The following NECTIN3 variants were observed in gnomAD, a reference collection of about 807,000 sequenced individuals.
The protein encoded by NECTIN3 is nectin cell adhesion molecule 3, also known as nectin-3.
NECTIN3 carries 8 observed loss-of-function variants against 49.4 expected under a neutral mutation model. That is an observed-to-expected ratio of 0.16 (90% CI 0.10 to 0.29). NECTIN3 has a LOEUF of 0.29. Ranked by LOEUF, NECTIN3 falls within the 10% of genes least tolerant of loss-of-function variation. The probability of loss-of-function intolerance (pLI) is 1.00; values close to 1 mark genes in which losing one functional copy is unlikely to be tolerated. For missense variants in NECTIN3, 581 were observed against 654.6 expected (o/e 0.89, Z 1.23); for synonymous variants, 277 against 241.1 (o/e 1.15, Z -1.38).
intron 5 of NECTIN3, among the ~76,000 whole-genome samples, chr3:111,127,716 A>C (rs2107481860): frequency 6.6e-6 from 1 of 152,008 alleles, no homozygotes; most frequent in African/African-American, 2.4e-5. Flanking sequence ...GGTATGCACC[A>C]CCATGCCCAG....
rs940769887 is a variant in NECTIN3 at position 111,135,701 on chromosome 3, A to G, written c.*1486A>G. Reference sequence around the variant, plus strand: ...AGTAGGTACTTTTTAAACCCTCCCAACCAGCCCTTTCTCAATATTCATCAA... The same window carrying G: ...AGTAGGTACTTTTTAAACCCTCCCAGCCAGCCCTTTCTCAATATTCATCAA... On this transcript the variant is annotated 3_prime_UTR_variant, in exon 6 of 6. Coordinates refer to ENST00000485303, the MANE Select transcript of NECTIN3 (RefSeq NM_015480.3). 1.0e-6 allele frequency: 1 copy of G among 957,476 alleles called. No individual in the cohort carries two copies. Among genetic ancestry groups the G allele is most frequent in the Non-Finnish European group, 1.2e-6 (1 of 804,722 alleles). The allele number at this position is 957,476 out of a possible 1,614,324, so 59.3% of individuals were successfully genotyped here.
chr3:111,133,703 C>G lies in NECTIN3; in HGVS notation c.1138C>G (p.Leu380Val). ...WHPSTADIED[L>V]ATEPKKLPFP... The stretch of plus-strand genomic sequence containing the variant: ...TCCCTCAACTGCTGACATCGAGGAT[C>G]TAGCAACAGAACCTAAAAAATTGCC... The change falls in exon 6 of 6, where the codon CTA becomes GTA. Residue 380 changes from leucine to valine, a missense_variant. Coordinates refer to ENST00000485303, the MANE Select transcript of NECTIN3 (RefSeq NM_015480.3). The G allele has an allele frequency of 6.2e-7, 1 of 1,613,920 alleles. No homozygotes were observed. Among genetic ancestry groups the G allele is most frequent in the Non-Finnish European group, 8.5e-7 (1 of 1,179,854 alleles).
Position 111,112,123 on chromosome 3 carries a change from C to T in NECTIN3, c.254C>T (p.Thr85Ile), listed in dbSNP as rs1246994842. 6.2e-7 allele frequency: 1 copy of T among 1,613,412 alleles called. No individual in the cohort carries two copies. Among genetic ancestry groups the T allele is most frequent in the Admixed American group, 1.7e-5 (1 of 59,902 alleles). The change falls in exon 2 of 6, where the codon ACC (threonine) becomes ATC (isoleucine). Residue 85 changes from threonine (T) to isoleucine (I), a missense_variant. Thr to Ile is a moderately conservative substitution (Grantham distance 89, BLOSUM62 -1). Transcript: ENST00000485303. ...AAGTGTTTAATTGAAGTAAATGAAA[C>T]CATAACACAGATTTCATGGGAGAAG... ...SLKCLIEVNE[T>I]ITQISWEKIH...
At chr3:111,162,653 A>G (rs1370462277) in intron 7 of NECTIN3, among the ~76,000 whole-genome samples, 2 of 152,212 alleles carry the variant, frequency 1.3e-5, no homozygotes, top group African/African-American at 4.8e-5. Flanking sequence ...CATTATATAT[A>G]TAATTTTGTA....
rs917374351 is a variant in NECTIN3 at position 111,137,219 on chromosome 3, A to G, written c.*3004A>G. On this transcript the variant is annotated 3_prime_UTR_variant, in exon 6 of 6. Transcript: ENST00000485303. ...AAGTAAGAAGTTTATGTATGAAAGT[A>G]ATCAATGTAAAATATAAGAAAGGAA... 2 of 935,022 alleles carry G rather than the reference A, an allele frequency of 2.1e-6. No individual in the cohort carries two copies. Among genetic ancestry groups the G allele is most frequent in the Non-Finnish European group, 1.3e-6 (1 of 784,414 alleles). 57.9% of individuals were successfully genotyped at this position (935,022 alleles called of 1,614,324 possible).
At chr3:111,144,793 G>A (rs2034833929) in intron 5 of NECTIN3, 1 of 1,288,568 alleles carries the variant, frequency 7.8e-7, no homozygotes, top group Non-Finnish European at 1.0e-6. Flanking sequence ...CCTGGCTCTT[G>A]GATAACATAC....
intron 1 of NECTIN3, among the ~76,000 whole-genome samples, chr3:111,075,605 A>C (rs990243960): frequency 6.6e-6 from 1 of 152,134 alleles, no homozygotes; most frequent in Non-Finnish European, 1.5e-5. Context: ...TTCTACACCA[A>C]TGTGCTGAAT....
intron 1 of NECTIN3, among the ~76,000 whole-genome samples, chr3:111,075,668 A>T (rs1201367848): frequency 6.6e-6 from 1 of 152,218 alleles, no homozygotes; most frequent in East Asian, 1.9e-4. Context: ...CTATATATTG[A>T]GTCTTAGCCC....
chr3:111,081,446 G>A (rs1408710113), intron 1 of NECTIN3, among the ~76,000 whole-genome samples: 2 of 152,038 alleles, frequency 1.3e-5, no homozygotes, highest in Non-Finnish European at 2.9e-5. Flanking sequence ...CTCTGTGTAT[G>A]TGTGTGTGTG....
chr3:111,192,037 G>C (rs2035821546), upstream of NECTIN3, among the ~76,000 whole-genome samples: 1 of 152,090 alleles, frequency 6.6e-6, no homozygotes. Context: ...TCACCATGTT[G>C]ATCAGGCTGG....
Position 111,136,557 on chromosome 3 carries a change from A to G in NECTIN3, c.*2342A>G. The G allele has an allele frequency of 1.1e-6, 1 of 952,068 alleles. No homozygotes were observed. The highest frequency in any genetic ancestry group is 1.3e-6 in the Non-Finnish European group (1 of 799,822). 59.0% of individuals were successfully genotyped at this position (952,068 alleles called of 1,614,324 possible). ...AGAACTTTATGTATATTTACTGTAC[A>G]TAGAGACTTGTTTGAAAACATGAAT... On this transcript the variant is annotated 3_prime_UTR_variant, in exon 6 of 6. Transcript: ENST00000485303.
At chr3:111,094,004 C>T (rs1248920598) in intron 1 of NECTIN3, among the ~76,000 whole-genome samples, 1 of 151,914 alleles carries the variant, frequency 6.6e-6, no homozygotes, top group Non-Finnish European at 1.5e-5. Context: ...GTGACAGTTA[C>T]TTTATTTCAT....
intron 1 of NECTIN3, among the ~76,000 whole-genome samples, chr3:111,076,032 A>G (rs148356406): frequency 1.3e-5 from 2 of 152,256 alleles, no homozygotes; most frequent in African/African-American, 4.8e-5. Flanking sequence ...AGAAAGATCA[A>G]ATCTTCCTTT....
chr3:111,155,350 T>C (rs1308175787), intron 7 of NECTIN3, among the ~76,000 whole-genome samples: 1 of 152,198 alleles, frequency 6.6e-6, no homozygotes, highest in Non-Finnish European at 1.5e-5. Context: ...TTTTTCTTAG[T>C]TGTCATTTTA....
intron 3 of NECTIN3, among the ~76,000 whole-genome samples, chr3:111,119,382 A>C (rs943682208): frequency 6.6e-6 from 1 of 152,140 alleles, no homozygotes; most frequent in Non-Finnish European, 1.5e-5. Context: ...GCCAGGCTGG[A>C]GTGTAGTGGC....
intron 1 of NECTIN3, chr3:111,193,639 G>A: frequency 2.3e-6 from 1 of 441,166 alleles, no homozygotes; most frequent in Non-Finnish European, 4.1e-6. Flanking sequence ...CTAACATTTG[G>A]CCTACAATGG....
Position 111,127,828 on chromosome 3 carries a change from A to G in NECTIN3, c.1069+1493A>G, listed in dbSNP as rs117708729. On this transcript the variant is annotated intron_variant, in intron 5 of 5. Coordinates refer to ENST00000485303, the MANE Select transcript of NECTIN3 (RefSeq NM_015480.3). ...AGTGATCTGCCCACCTCAACCTCCT[A>G]AAGTGCTGGGATTACAAGCGTGAGC... 6.7e-3 allele frequency among the ~76,000 whole-genome samples: 1,017 copies of G among 152,112 alleles called. 27 individuals are homozygous for G. The highest frequency in any genetic ancestry group is 0.043 in the East Asian group (220 of 5,154).
At position 111,077,248 on chromosome 3, in the gene NECTIN3, A is replaced by G. The variant is rs1190004298; in HGVS notation, c.160+5071A>G. 3.4e-5 allele frequency: 15 copies of G among 436,778 alleles called. 1 individual carries two copies. Among genetic ancestry groups the G allele is most frequent in the Admixed American group, 3.1e-4 (13 of 41,696 alleles). 27.1% of individuals were successfully genotyped at this position (436,778 alleles called of 1,614,324 possible). ...GACTGCCCACCATTCATTCTGCTAA[A>G]TAAGTTGAGTAGGGAAGACCTGTTG... On this transcript the variant is annotated intron_variant, in intron 1 of 5. Coordinates refer to ENST00000485303, the MANE Select transcript of NECTIN3 (RefSeq NM_015480.3).
chr3:111,184,979 G>A (rs1295683033), intron 7 of NECTIN3, among the ~76,000 whole-genome samples: 1 of 152,204 alleles, frequency 6.6e-6, no homozygotes, highest in Non-Finnish European at 1.5e-5. Context: ...ACTTCAGCTG[G>A]TTGGATCAAT....
Sources: allele counts gnomAD v4.1 joint callset (sites outside exome capture counted in the v4.1 genomes callset), GRCh38; gene constraint gnomAD v4.1.1; transcripts MANE v1.5; gene names NCBI Gene and HGNC (gene_info 2026-07-23, HGNC 2026-07-21).